The following ARHGAP32 variants were observed in gnomAD, a reference collection of about 807,000 sequenced individuals.
ARHGAP32 encodes Rho GTPase activating protein 32.
A neutral mutation model predicts 186.5 loss-of-function variants in ARHGAP32; 51 were observed. That is an observed-to-expected ratio of 0.27 (90% CI 0.22 to 0.35). The LOEUF is 0.35. Among genes scored for constraint, ARHGAP32 ranks in the 10% least tolerant of loss-of-function variants. The pLI, the probability that ARHGAP32 is intolerant of heterozygous loss-of-function variation, is 1.00. For synonymous variants in ARHGAP32, 950 were observed against 964.3 expected (o/e 0.99, Z 0.27); for missense variants, 2,186 against 2,623.5 (o/e 0.83, Z 3.64).
Position 129,160,280 on chromosome 11 carries a change from G to C in ARHGAP32, c.225+4039C>G, listed in dbSNP as rs541098755. Among the ~76,000 whole-genome samples the C allele has an allele frequency of 1.9e-3, 287 of 152,148 alleles. 4 individuals carry two copies. The highest frequency in any genetic ancestry group is 6.7e-3 in the African/African-American group (280 of 41,488). On this transcript the variant is annotated intron_variant, in intron 2 of 22. Transcript: ENST00000682385. ...AATCAGGCAAGGGAAAGAAATAAAGGGTATTCAAATAGGAAGAGAGGAAGT... is the reference window on the plus strand; with the variant it reads ...AATCAGGCAAGGGAAAGAAATAAAGCGTATTCAAATAGGAAGAGAGGAAGT...
At chr11:129,004,104 A>G (rs1006290203) in intron 11 of ARHGAP32, among the ~76,000 whole-genome samples, 2 of 151,836 alleles carry the variant, frequency 1.3e-5, no homozygotes. Context: ...TTTCCTTCTT[A>G]ATCTCTTCAT....
At chr11:129,248,284 T>C (rs7117903) in intron 1 of ARHGAP32, among the ~76,000 whole-genome samples, 2,967 of 152,158 alleles carry the variant, frequency 0.019, 53 homozygotes, top group African/African-American at 0.041. Flanking sequence ...GAAAGATTTG[T>C]TTCCTTCTAG....
At chr11:129,033,343 T>C (rs1021089667) in intron 11 of ARHGAP32, among the ~76,000 whole-genome samples, 1 of 152,224 alleles carries the variant, frequency 6.6e-6, no homozygotes, top group Non-Finnish European at 1.5e-5. Context: ...ATGCCAATGA[T>C]TGTCCCAAAT....
At chr11:129,143,292 T>C (rs764865286) in intron 2 of ARHGAP32, among the ~76,000 whole-genome samples, 6 of 152,092 alleles carry the variant, frequency 3.9e-5, no homozygotes, top group Non-Finnish European at 8.8e-5. Flanking sequence ...ATCCAATAAG[T>C]AGTCCTCCTT....
Position 128,966,687 on chromosome 11 carries a change from T to G in ARHGAP32, c.*2220A>C, listed in dbSNP as rs1014669356. 13 of 152,218 alleles carry G rather than the reference T, an allele frequency of 8.5e-5. No individual in the cohort carries two copies. Among genetic ancestry groups the G allele is most frequent in the Non-Finnish European group, 1.5e-4 (10 of 68,034 alleles). The allele number at this position is 152,218 out of a possible 1,614,324, so 9.4% of individuals were successfully genotyped here. A position where few individuals can be genotyped will look rare whatever the true frequency, so the allele number is the denominator to read the frequency against. Reference sequence around the variant, plus strand: ...GTGTGTGACAACAAATCCACAAATATTAAAACTGGACCGGACTCCCTGGGT... The same window carrying G: ...GTGTGTGACAACAAATCCACAAATAGTAAAACTGGACCGGACTCCCTGGGT... On this transcript the variant is annotated 3_prime_UTR_variant, in exon 23 of 23. Coordinates refer to ENST00000682385, the MANE Select transcript of ARHGAP32 (RefSeq NM_001378024.1).
chr11:129,249,444 A>AT (rs1015165410), intron 1 of ARHGAP32, among the ~76,000 whole-genome samples: 1 of 152,164 alleles, frequency 6.6e-6, no homozygotes, highest in Non-Finnish European at 1.5e-5. Context: ...TAATACTGAG[A>AT]TTTTTTTATT....
intron 1 of ARHGAP32, among the ~76,000 whole-genome samples, chr11:129,251,826 C>CGGGGAGGCTGATGCAGGAGAACT: frequency 1.3e-5 from 2 of 150,062 alleles, no homozygotes; most frequent in Non-Finnish European, 3.0e-5. Flanking sequence ...CCCAGCTACT[C>CGGGGAGGCTGATGCAGGAGAACT]GGGGAGGCTG....
At chr11:129,037,275 T>C (rs1939383242) in intron 11 of ARHGAP32, among the ~76,000 whole-genome samples, 1 of 152,144 alleles carries the variant, frequency 6.6e-6, no homozygotes, top group South Asian at 2.1e-4. Context: ...TGCGGGAGGA[T>C]CACTTAAGGC....
intron 1 of ARHGAP32, among the ~76,000 whole-genome samples, chr11:129,167,229 G>A (rs549133575): frequency 6.6e-6 from 1 of 152,214 alleles, no homozygotes; most frequent in Non-Finnish European, 1.5e-5. Flanking sequence ...AGACTAGCTG[G>A]GAAAGATACG....
At chr11:129,124,596 C>T (rs1426883222) in intron 3 of ARHGAP32, among the ~76,000 whole-genome samples, 1 of 152,096 alleles carries the variant, frequency 6.6e-6, no homozygotes, top group Admixed American at 6.6e-5. Context: ...ACATAAGTTG[C>T]TTCAAGAACA....
At chr11:129,004,239 G>A (rs1450791725) in intron 11 of ARHGAP32, among the ~76,000 whole-genome samples, 1 of 130,324 alleles carries the variant, frequency 7.7e-6, no homozygotes, top group East Asian at 2.2e-4. Context: ...TCACTTCAAT[G>A]CTTTCCTTTT....
At chr11:129,019,036 T>C (rs949142755) in intron 11 of ARHGAP32, among the ~76,000 whole-genome samples, 1 of 152,190 alleles carries the variant, frequency 6.6e-6, no homozygotes, top group Non-Finnish European at 1.5e-5. Flanking sequence ...AAAAATATCA[T>C]TCAAATCAGA....
chr11:129,213,997 G>A (rs771678884), intron 1 of ARHGAP32, among the ~76,000 whole-genome samples: 33 of 151,760 alleles, frequency 2.2e-4, no homozygotes, highest in African/African-American at 6.3e-4. Flanking sequence ...AGACCCCTCC[G>A]GAAAACCCGT....
chr11:129,063,531 AG>A (rs1248426603), intron 9 of ARHGAP32, among the ~76,000 whole-genome samples: 1 of 152,170 alleles, frequency 6.6e-6, no homozygotes, highest in Non-Finnish European at 1.5e-5. Context: ...GCTTTCCAGA[AG>A]CTCAATGAGA....
At chr11:129,196,282 T>C (rs1591691165), upstream of ARHGAP32, among the ~76,000 whole-genome samples, 2 of 152,290 alleles carry the variant, frequency 1.3e-5, no homozygotes, top group Middle Eastern at 3.4e-3. Flanking sequence ...TCTGCATCCA[T>C]GAATTCAACC....
rs1282239459 is a variant in ARHGAP32 at position 128,973,437 on chromosome 11, T to C, written c.3074-5A>G. 1 of 1,609,492 alleles carries C rather than the reference T, an allele frequency of 6.2e-7. No individual in the cohort carries two copies. The highest frequency in any genetic ancestry group is 8.5e-7 in the Non-Finnish European group (1 of 1,177,214). ...GGGGGTCATGGGTAACTGCTCCTAG[T>C]GGGAAATTGGGAAAAAAAATGAGAG... is the stretch of plus-strand genomic sequence containing the variant. On this transcript the variant is annotated splice_region_variant and splice_polypyrimidine_tract_variant and intron_variant, in intron 21 of 22. Coordinates refer to ENST00000682385, the MANE Select transcript of ARHGAP32 (RefSeq NM_001378024.1).
chr11:129,121,323 T>A (rs11221568), intron 5 of ARHGAP32, among the ~76,000 whole-genome samples: 22,900 of 152,076 alleles, frequency 0.15, 2,077 homozygotes, highest in African/African-American at 0.25. Flanking sequence ...GCTACACAAC[T>A]TAGTTAATGG....
intron 7 of ARHGAP32, 65 bp from the exon 8 acceptor site, chr11:129,064,998 G>A: frequency 7.5e-7 from 1 of 1,336,026 alleles, no homozygotes; most frequent in Non-Finnish European, 1.0e-6. Flanking sequence ...GGGAAAACTG[G>A]ATGGTTTCTG....
chr11:129,184,372 A>G (rs1289723126), intron 1 of ARHGAP32, among the ~76,000 whole-genome samples: 6 of 152,168 alleles, frequency 3.9e-5, no homozygotes. Context: ...ATGTACACTG[A>G]ATGAATAAAG....
Sources: allele counts gnomAD v4.1 joint callset (sites outside exome capture counted in the v4.1 genomes callset), GRCh38; gene constraint gnomAD v4.1.1; transcripts MANE v1.5; gene names NCBI Gene and HGNC (gene_info 2026-07-23, HGNC 2026-07-21).